CDH20: variants seen among roughly 807,000 people sequenced by gnomAD.
CDH20 encodes cadherin-20.
Under a neutral mutation model 74.2 loss-of-function variants are expected in CDH20, and 29 were observed. That is an observed-to-expected ratio of 0.39 (90% CI 0.29 to 0.53). CDH20 has a LOEUF of 0.53. Among genes scored for constraint, CDH20 ranks in the 20% least tolerant of loss-of-function variants. The pLI, the probability that CDH20 is intolerant of heterozygous loss-of-function variation, is 0.69. For synonymous variants in CDH20, 469 were observed against 405.4 expected, an observed-to-expected ratio of 1.16 and a Z score of -1.88; for missense variants, 988 against 1,048.3, an observed-to-expected ratio of 0.94 and a Z score of 0.79.
At chr18:61,354,562 T>C (rs1242953758) in intron 1 of CDH20, among the ~76,000 whole-genome samples, 1 of 152,054 alleles carries the variant, frequency 6.6e-6, no homozygotes, top group African/African-American at 2.4e-5. Context: ...TGAGCCGAAA[T>C]AGCACCACTG....
rs138216297 is a variant in CDH20 at position 61,348,507 on chromosome 18, C to T, written c.-153+14680C>T. On this transcript the variant is annotated intron_variant, in intron 1 of 11. Transcript: ENST00000262717. Reference sequence around the variant, plus strand: ...AGACTGGGTTTCTGATTTCTGATGGCAGAGTTCTCCATTCTGAATGGTGGG... The same window carrying T: ...AGACTGGGTTTCTGATTTCTGATGGTAGAGTTCTCCATTCTGAATGGTGGG... 8.2e-4 allele frequency among the ~76,000 whole-genome samples: 125 copies of T among 152,290 alleles called. 2 individuals carry two copies. Among genetic ancestry groups the T allele is most frequent in the African/African-American group, 2.9e-3 (120 of 41,564 alleles).
At chr18:61,347,712 GA>G (rs1910177099) in intron 1 of CDH20, among the ~76,000 whole-genome samples, 1 of 152,136 alleles carries the variant, frequency 6.6e-6, no homozygotes, top group Non-Finnish European at 1.5e-5. Flanking sequence ...CAATAAATTT[GA>G]AATAATAATT....
At chr18:61,412,209 GA>G (rs532521472) in intron 1 of CDH20, among the ~76,000 whole-genome samples, 54 of 151,820 alleles carry the variant, frequency 3.6e-4, no homozygotes, top group Non-Finnish European at 6.8e-4. Context: ...AATTCAAAGA[GA>G]AAATTCACTG....
intron 1 of CDH20, among the ~76,000 whole-genome samples, chr18:61,404,454 C>T (rs999816314): frequency 6.6e-6 from 1 of 151,980 alleles, no homozygotes; most frequent in African/African-American, 2.4e-5. Flanking sequence ...AGTTTTCAGC[C>T]GATTTCTTCA....
At chr18:61,532,879 T>C (rs965415718) in intron 7 of CDH20, among the ~76,000 whole-genome samples, 2 of 152,214 alleles carry the variant, frequency 1.3e-5, no homozygotes, top group Non-Finnish European at 2.9e-5. Context: ...TTTAAGAACA[T>C]AGTAGTTATA....
At chr18:61,489,933 CA>C (rs993262554) in intron 1 of CDH20, among the ~76,000 whole-genome samples, 2 of 148,262 alleles carry the variant, frequency 1.3e-5, no homozygotes, top group African/African-American at 2.5e-5. Context: ...TGTGGGTGAC[CA>C]AAAAAAAACA....
intron 7 of CDH20, among the ~76,000 whole-genome samples, chr18:61,529,734 A>G (rs1912573727): frequency 6.6e-6 from 1 of 152,206 alleles, no homozygotes; most frequent in Admixed American, 6.5e-5. Flanking sequence ...TTCCTGTAAC[A>G]AAAGACCCTA....
intron 1 of CDH20, among the ~76,000 whole-genome samples, chr18:61,372,666 T>A (rs905171838): frequency 6.6e-6 from 1 of 152,114 alleles, no homozygotes; most frequent in African/African-American, 2.4e-5. Flanking sequence ...TCTATAAAAT[T>A]CAATTTCAGG....
intron 2 of CDH20, among the ~76,000 whole-genome samples, chr18:61,492,956 T>G (rs1247995946): frequency 6.6e-6 from 1 of 152,224 alleles, no homozygotes; most frequent in Non-Finnish European, 1.5e-5. Flanking sequence ...AGCTAATGCA[T>G]GTAAAGCACT....
At chr18:61,368,860 CAAAAAAA>C (rs1296541435) in intron 1 of CDH20, among the ~76,000 whole-genome samples, 1 of 87,906 alleles carries the variant, frequency 1.1e-5, no homozygotes. Context: ...AGTTCTTTTT[CAAAAAAA>C]AAAAAAAAAA....
chr18:61,352,501 A>T (rs1406509407), intron 1 of CDH20, among the ~76,000 whole-genome samples: 1 of 152,220 alleles, frequency 6.6e-6, no homozygotes, highest in Non-Finnish European at 1.5e-5. Flanking sequence ...CTGGAGTTGT[A>T]AATGACATTT....
rs149087987 is a variant in CDH20 at position 61,449,757 on chromosome 18, G to GAA, written c.-152-40639_-152-40638dup. 7.7e-3 allele frequency among the ~76,000 whole-genome samples: 1,167 copies of GAA among 150,914 alleles called. 15 individuals carry two copies. Among genetic ancestry groups the GAA allele is most frequent in the African/African-American group, 0.026 (1,082 of 41,188 alleles). ...ATAAGACAGCCCAGATTTTAAAATA[G>GAA]AAAAAAATATATATATATATACACA... On this transcript the variant is annotated intron_variant, in intron 1 of 11. Transcript: ENST00000262717.
intron 1 of CDH20, among the ~76,000 whole-genome samples, chr18:61,462,036 CA>C (rs1909797135): frequency 6.6e-6 from 1 of 152,066 alleles, no homozygotes. Flanking sequence ...ATAGGAGTAC[CA>C]ATCAGAGGTA....
At chr18:61,402,634 AT>A (rs1912193940) in intron 1 of CDH20, among the ~76,000 whole-genome samples, 1 of 152,206 alleles carries the variant, frequency 6.6e-6, no homozygotes, top group African/African-American at 2.4e-5. Flanking sequence ...TGAAAATAGG[AT>A]TCCAGGTACT....
intron 7 of CDH20, 129 bp downstream of exon 7, chr18:61,528,349 T>A: frequency 1.0e-6 from 1 of 995,888 alleles, no homozygotes; most frequent in South Asian, 1.6e-5. Flanking sequence ...CTCTTTGAGT[T>A]TTTTGTGTTG....
In CDH20 at chr18:61,435,910, T is replaced by C. The variant is rs192524108; in HGVS notation, c.-152-54492T>C. On this transcript the variant is annotated intron_variant, in intron 1 of 11. Transcript: ENST00000262717. Reference sequence around the variant, plus strand: ...ACCCCAAAAAGAAACCCAGCACACATTGACCATCGCTCCCCCATTTCTGCA... The same window carrying C: ...ACCCCAAAAAGAAACCCAGCACACACTGACCATCGCTCCCCCATTTCTGCA... Among the ~76,000 whole-genome samples the C allele has an allele frequency of 2.6e-3, 392 of 152,158 alleles. 7 individuals carry two copies. The highest frequency in any genetic ancestry group is 1.8e-3 in the Non-Finnish European group (123 of 67,972).
At chr18:61,430,779 C>T (rs568720861) in intron 1 of CDH20, among the ~76,000 whole-genome samples, 81 of 152,254 alleles carry the variant, frequency 5.3e-4, no homozygotes, top group Non-Finnish European at 8.2e-4. Flanking sequence ...GACCCTTTGA[C>T]ATGCCATCAT....
At chr18:61,496,648 G>C (rs374077265) in intron 2 of CDH20, among the ~76,000 whole-genome samples, 2 of 152,272 alleles carry the variant, frequency 1.3e-5, no homozygotes, top group East Asian at 3.9e-4. Context: ...GCTCACCTGC[G>C]GCCTGCCGGG....
rs182502064 is a variant in CDH20 at position 61,438,753 on chromosome 18, G to T, written c.-152-51649G>T. 6.4e-3 allele frequency among the ~76,000 whole-genome samples: 972 copies of T among 152,116 alleles called. 4 individuals are homozygous for T. The highest frequency in any genetic ancestry group is 0.014 in the Admixed American group (220 of 15,260). The stretch of plus-strand genomic sequence containing the variant: ...ATTCAACCCAGCAATCCCATTACTG[G>T]ATATATATTCAAAAGAAAATAAATC... On this transcript the variant is annotated intron_variant, in intron 1 of 11. Transcript: ENST00000262717.
Sources: gnomAD v4.1 joint callset for allele counts (sites outside exome capture counted in the v4.1 genomes callset) on GRCh38, gnomAD v4.1.1 for gene constraint, MANE v1.5 for transcripts, NCBI Gene and HGNC (gene_info 2026-07-23, HGNC 2026-07-21) for gene names.